HNRNPAB: variants seen among roughly 807,000 people sequenced by gnomAD.
HNRNPAB encodes ABBP-1.
A neutral mutation model predicts 44.1 loss-of-function variants in HNRNPAB; 17 were observed. The observed-to-expected ratio is 0.39, with a 90% CI of 0.26 to 0.58. The LOEUF is 0.58. Ranked by LOEUF, HNRNPAB falls within the 20% of genes least tolerant of loss-of-function variation. HNRNPAB has a pLI of 0.63. For synonymous variants in HNRNPAB, 183 were observed against 167.6 expected, an observed-to-expected ratio of 1.09 and a Z score of -0.71; for missense variants, 393 against 432.7, an observed-to-expected ratio of 0.91 and a Z score of 0.81.
At chr5:178,205,816 C>G (rs369923119) in intron 2 of HNRNPAB, 26 bp from the exon 3 acceptor site, 1 of 1,602,970 alleles carries the variant, frequency 6.2e-7, no homozygotes, top group South Asian at 1.1e-5. Context: ...AGACTTGTTG[C>G]CGTGTGTCTC....
chr5:178,208,029 G>T lies in HNRNPAB; in HGVS notation c.669+804G>T, dbSNP rs376809408. Among the ~76,000 whole-genome samples, 225 of 152,260 alleles carry T rather than the reference G, an allele frequency of 1.5e-3. 3 individuals are homozygous for T. Among genetic ancestry groups the T allele is most frequent in the African/African-American group, 5.0e-3 (208 of 41,546 alleles). On this transcript the variant is annotated intron_variant, in intron 5 of 7. Coordinates refer to ENST00000358344, the MANE Select transcript of HNRNPAB (RefSeq NM_031266.3). ...AAACCCAGGCAAAAATCCTTCCAAA[G>T]ATCTCCCAGGGTCCTGGCCAGCTTA...
rs1758001593 is a variant in HNRNPAB at position 178,210,689 on chromosome 5, A to G, written c.*66A>G. ...GTTTGGATATGGAGTGAACACAATT[A>G]TGTACCAAATTTAACTTGGCAAACT... On this transcript the variant is annotated 3_prime_UTR_variant, in exon 8 of 8. Coordinates refer to ENST00000358344, the MANE Select transcript of HNRNPAB (RefSeq NM_031266.3). The G allele has an allele frequency of 5.5e-6, 7 of 1,273,880 alleles. No individual in the cohort carries two copies. Among genetic ancestry groups the G allele is most frequent in the South Asian group, 2.4e-5 (2 of 83,820 alleles). The allele number at this position is 1,273,880 out of a possible 1,614,324, so 78.9% of individuals were successfully genotyped here.
Position 178,204,753 on chromosome 5 carries a change from C to G in HNRNPAB, c.-24+13C>G, listed in dbSNP as rs901836805. ...CATCGGCGGCGAGGTGAGCGGCGGC[C>G]GGCGGGCGGGAGCTCTGGCGGGAGC... On this transcript the variant is annotated intron_variant, in intron 1 of 7. Transcript: ENST00000358344. The G allele has an allele frequency of 4.5e-6, 4 of 884,034 alleles. No homozygotes were observed. Among genetic ancestry groups the G allele is most frequent in the Non-Finnish European group, 5.8e-6 (4 of 684,078 alleles). The allele number at this position is 884,034 out of a possible 1,614,324, so 54.8% of individuals were successfully genotyped here.
intron 3 of HNRNPAB, 110 bp from the exon 4 acceptor site, chr5:178,206,622 A>AG (rs765352373): frequency 1.8e-5 from 19 of 1,062,580 alleles, no homozygotes; most frequent in Non-Finnish European, 2.6e-5. Context: ...TAGAATTTGG[A>AG]GGGGGTGAAA....
chr5:178,207,028 T>C (rs1393562814), intron 4 of HNRNPAB, 66 bp from the exon 5 acceptor site: 5 of 1,596,784 alleles, frequency 3.1e-6, no homozygotes, highest in African/African-American at 1.3e-5. Flanking sequence ...TCTTTTCTCC[T>C]GTGAGTCCCC....
rs1224877701 is a variant in HNRNPAB, at chr5:178,206,887, G to A, written c.534G>A (p.Gly178=). ...TCAGGGAGTACTTTGGCGAGTTTGGGGAGGTGAGTGTGGCTCTGGGAATAG... is the reference window on the plus strand; with the variant it reads ...TCAGGGAGTACTTTGGCGAGTTTGGAGAGGTGAGTGTGGCTCTGGGAATAG... ...EKIREYFGEF[G]EIEAIELPMD... is the part of the protein sequence containing the mutation. Residue 178 remains glycine, a synonymous_variant, in exon 4 of 8, where the codon GGG becomes GGA. Coordinates refer to ENST00000358344, the MANE Select transcript of HNRNPAB (RefSeq NM_031266.3). 1.2e-5 allele frequency: 19 copies of A among 1,614,016 alleles called. No individual in the cohort carries two copies. Among genetic ancestry groups the A allele is most frequent in the Admixed American group, 1.7e-5 (1 of 60,008 alleles).
intron 5 of HNRNPAB, chr5:178,208,936 T>G (rs1757307585): frequency 6.0e-6 from 1 of 165,554 alleles, no homozygotes; most frequent in Admixed American, 6.0e-5. Context: ...AAAAAGATGT[T>G]AAAACCTCAT....
rs1756975921 is a variant in HNRNPAB at position 178,204,744 on chromosome 5, A to AGCGGCGGCCGGCGG, written c.-24+9_-24+22dup. ...CCGCGGCGTCATCGGCGGCGAGGTG[A>AGCGGCGGCCGGCGG]GCGGCGGCCGGCGGGCGGGAGCTCT... On this transcript the variant is annotated splice_donor_region_variant and intron_variant, in intron 1 of 7. Transcript: ENST00000358344. 3.9e-6 allele frequency: 3 copies of AGCGGCGGCCGGCGG among 770,298 alleles called. No individual in the cohort carries two copies. Among genetic ancestry groups the AGCGGCGGCCGGCGG allele is most frequent in the Middle Eastern group, 4.6e-4 (1 of 2,174 alleles). 47.7% of individuals were successfully genotyped at this position (770,298 alleles called of 1,614,324 possible). A position where few individuals can be genotyped will look rare whatever the true frequency, so the allele number is the denominator to read the frequency against.
In HNRNPAB at chr5:178,205,953, T is replaced by C; in HGVS notation, c.321T>C (p.Thr107=). Residue 107 remains threonine, a synonymous_variant, in exon 3 of 8, where the codon ACT becomes ACC. Transcript: ENST00000358344. ...VDCTIKMDPN[T]GRSRGFGFIL... is the part of the protein sequence containing the mutation. ...GTACAATAAAAATGGATCCCAACAC[T>C]GGACGGTCAAGAGGGTTTGGGTTTA... is the stretch of plus-strand genomic sequence containing the variant. 1 of 1,614,188 alleles carries C rather than the reference T, an allele frequency of 6.2e-7. No homozygotes were observed. The highest frequency in any genetic ancestry group is 1.1e-5 in the South Asian group (1 of 91,086).
At chr5:178,207,691 C>CTT (rs34424574) in intron 5 of HNRNPAB, among the ~76,000 whole-genome samples, 161 of 78,678 alleles carry the variant, frequency 2.0e-3, no homozygotes, top group African/African-American at 2.3e-3. Context: ...ACTTTGAGCA[C>CTT]TTTTTTTTTT....
intron 5 of HNRNPAB, 54 bp from the exon 6 acceptor site, chr5:178,209,276 G>A: frequency 7.1e-7 from 1 of 1,401,146 alleles, no homozygotes; most frequent in Admixed American, 1.7e-5. Flanking sequence ...TGTTTGGGCA[G>A]TCACTGCCCT....
rs777822643 is a variant in HNRNPAB at position 178,210,255 on chromosome 5, GCCCCGGCTACGA to G, written c.913_924del (p.Pro305_Asp308del). On this transcript the variant is annotated inframe_deletion, in exon 7 of 8. Coordinates refer to ENST00000358344, the MANE Select transcript of HNRNPAB (RefSeq NM_031266.3). The stretch of plus-strand genomic sequence containing the variant: ...TCGCCCTATGGCTATTACGGCTACG[GCCCCGGCTACGA>G]CTACAGTAAGTAGGAGAGAGGGAGG... The G allele has an allele frequency of 1.4e-5, 22 of 1,613,832 alleles. No homozygotes were observed. The highest frequency in any genetic ancestry group is 4.2e-6 in the Non-Finnish European group (5 of 1,179,882).
chr5:178,207,333 A>G, intron 5 of HNRNPAB, 108 bp downstream of exon 5: 1 of 1,329,458 alleles, frequency 7.5e-7, no homozygotes, highest in Non-Finnish European at 1.0e-6. Flanking sequence ...GGTTGGTCAG[A>G]CTTTACTATT....
intron 5 of HNRNPAB, among the ~76,000 whole-genome samples, chr5:178,207,537 T>C (rs1238253709): frequency 3.9e-5 from 6 of 152,096 alleles, no homozygotes; most frequent in Admixed American, 3.9e-4. Flanking sequence ...GATTCTTGAG[T>C]CCAGGGGTAT....
intron 5 of HNRNPAB, chr5:178,208,950 C>CT (rs1436198837): frequency 2.1e-5 from 4 of 187,858 alleles, no homozygotes; most frequent in Non-Finnish European, 3.4e-5. Flanking sequence ...ACCTCATTGT[C>CT]TAAGGCCCCT....
Position 178,210,280 on chromosome 5 carries a change from GGA to G in HNRNPAB, c.928+14_928+15del. ...GCCCCGGCTACGACTACAGTAAGTA[GGA>G]GAGAGGGAGGCCCCATCCGCTCACC... On this transcript the variant is annotated intron_variant, in intron 7 of 7. Transcript: ENST00000358344. The G allele has an allele frequency of 6.2e-7, 1 of 1,614,130 alleles. No individual in the cohort carries two copies.
At chr5:178,210,029 T>C in intron 6 of HNRNPAB, 103 bp from the exon 7 acceptor site, 1 of 1,514,914 alleles carries the variant, frequency 6.6e-7, no homozygotes, top group Non-Finnish European at 8.9e-7. Flanking sequence ...TCTGCCTGAG[T>C]TGCCACAGTA....
In HNRNPAB at chr5:178,210,250, C is replaced by T; in HGVS notation, c.906C>T (p.Gly302=). 1.2e-6 allele frequency: 2 copies of T among 1,613,916 alleles called. No homozygotes were observed. Among genetic ancestry groups the T allele is most frequent in the Non-Finnish European group, 1.7e-6 (2 of 1,179,808 alleles). The change falls in exon 7 of 8, where the codon GGC becomes GGT. Residue 302 remains glycine (G), a synonymous_variant. Coordinates refer to ENST00000358344, the MANE Select transcript of HNRNPAB (RefSeq NM_031266.3). ...GYDYSPYGYY[G]YGPGYDYSQG... is the part of the protein sequence containing the mutation. ...ACTACTCGCCCTATGGCTATTACGG[C>T]TACGGCCCCGGCTACGACTACAGTA...
In HNRNPAB at chr5:178,206,117, G is replaced by A. The variant is rs972006263; in HGVS notation, c.378+107G>A. On this transcript the variant is annotated intron_variant, in intron 3 of 7. Coordinates refer to ENST00000358344, the MANE Select transcript of HNRNPAB (RefSeq NM_031266.3). ...TTTGTGTGGTCTGCATGTGATTTAA[G>A]TGCTTTGGGCAAAACCCAAAGCCGG... is the stretch of plus-strand genomic sequence containing the variant. 1.3e-5 allele frequency: 14 copies of A among 1,073,282 alleles called. No individual in the cohort carries two copies. In the South Asian group the frequency reaches 1.4e-4, roughly 11 times the overall value. 66.5% of individuals were successfully genotyped at this position (1,073,282 alleles called of 1,614,324 possible).
Sources: gnomAD v4.1 joint callset for allele counts (sites outside exome capture counted in the v4.1 genomes callset) on GRCh38, gnomAD v4.1.1 for gene constraint, MANE v1.5 for transcripts, NCBI Gene and HGNC (gene_info 2026-07-23, HGNC 2026-07-21) for gene names.